The following NFIB variants were observed in gnomAD, a reference collection of about 807,000 sequenced individuals.
The protein encoded by NFIB is nuclear factor I B.
In NFIB, 11 loss-of-function variants were observed where a neutral mutation model predicts 61.5. The ratio of observed to expected loss-of-function variants is 0.18; its 90% confidence interval spans 0.11 to 0.30. The LOEUF is 0.30. Among genes scored for constraint, NFIB ranks in the 10% least tolerant of loss-of-function variants. The pLI is 1.00. For missense variants in NFIB, 471 were observed against 608.9 expected (o/e 0.77, Z 2.38); for synonymous variants, 260 against 216.5 (o/e 1.20, Z -1.76).
chr9:14,507,184 T>A, the NFIB span, among the ~76,000 whole-genome samples: 2 of 152,214 alleles, frequency 1.3e-5, no homozygotes, highest in Non-Finnish European at 2.9e-5. Context: ...ATTTTAAGGT[T>A]AAACAAAATC....
intron 2 of NFIB, among the ~76,000 whole-genome samples, chr9:14,203,169 T>G (rs2049248458): frequency 6.6e-6 from 1 of 152,046 alleles, no homozygotes; most frequent in Admixed American, 6.6e-5. Flanking sequence ...CCCCACATTT[T>G]TTTTTTCCTA....
At chr9:14,254,343 C>T (rs1465724705) in intron 2 of NFIB, among the ~76,000 whole-genome samples, 1 of 152,028 alleles carries the variant, frequency 6.6e-6, no homozygotes, top group Non-Finnish European at 1.5e-5. Context: ...AGCATTTCTC[C>T]ATAAGATGCT....
chr9:14,142,241 T>A (rs1465824012), intron 6 of NFIB, among the ~76,000 whole-genome samples: 1 of 152,186 alleles, frequency 6.6e-6, no homozygotes, highest in Non-Finnish European at 1.5e-5. Context: ...TGGGGGCAGA[T>A]CTTTCCTGTG....
intron 1 of NFIB, among the ~76,000 whole-genome samples, chr9:14,376,828 AT>A (rs112431442): frequency 0.079 from 11,986 of 151,762 alleles, 704 homozygotes; most frequent in East Asian, 0.22. Context: ...TAAAAGTGCC[AT>A]TTTTTTTAAA....
At chr9:14,452,447 GAAAGGAAAGGA>G in the NFIB span, among the ~76,000 whole-genome samples, 4 of 125,998 alleles carry the variant, frequency 3.2e-5, no homozygotes, top group Non-Finnish European at 3.6e-5. Context: ...GGAAGGAAAG[GAAAGGAAAGGA>G]AAGGAAAGGA....
intron 1 of NFIB, among the ~76,000 whole-genome samples, chr9:14,344,898 G>A (rs1051854087): frequency 1.3e-5 from 2 of 152,176 alleles, no homozygotes; most frequent in East Asian, 3.9e-4. Context: ...CAATCTTGAG[G>A]GTTTAAATAA....
intron 2 of NFIB, among the ~76,000 whole-genome samples, chr9:14,211,941 G>C (rs1462650957): frequency 6.6e-6 from 1 of 152,188 alleles, no homozygotes; most frequent in Non-Finnish European, 1.5e-5. Context: ...CCACTGACCA[G>C]AATACCCACA....
At chr9:14,240,265 CTT>C (rs1321274060) in intron 2 of NFIB, among the ~76,000 whole-genome samples, 2 of 151,796 alleles carry the variant, frequency 1.3e-5, no homozygotes, top group Non-Finnish European at 3.0e-5. Context: ...CTCCCTCTCT[CTT>C]TCTCTCCCTC....
chr9:14,387,324 A>G (rs934067243), intron 1 of NFIB, among the ~76,000 whole-genome samples: 1 of 152,230 alleles, frequency 6.6e-6, no homozygotes, highest in Non-Finnish European at 1.5e-5. Flanking sequence ...TTTGGTACTA[A>G]AATATTATTA....
chr9:14,401,438 C>A (rs988409031), upstream of NFIB, among the ~76,000 whole-genome samples: 3 of 152,142 alleles, frequency 2.0e-5, no homozygotes, highest in African/African-American at 7.2e-5. Context: ...TTGGGAAATA[C>A]CAGTTCACCA....
intron 10 of NFIB, among the ~76,000 whole-genome samples, chr9:14,109,312 C>T (rs1474605407): frequency 6.6e-6 from 1 of 151,886 alleles, no homozygotes; most frequent in Non-Finnish European, 1.5e-5. Context: ...CATTGCCTAT[C>T]ATAACGAATT....
At chr9:14,436,626 A>G in the NFIB span, among the ~76,000 whole-genome samples, 913 of 152,332 alleles carry the variant, frequency 6.0e-3, 16 homozygotes, top group Admixed American at 0.032. Flanking sequence ...GACTCACTAC[A>G]AAAGGAAAAA....
the NFIB span, among the ~76,000 whole-genome samples, chr9:14,411,916 C>T: frequency 2.6e-5 from 4 of 152,146 alleles, no homozygotes; most frequent in East Asian, 3.9e-4. Flanking sequence ...TAGGGCAGGG[C>T]GTGTTGTGAG....
the NFIB span, among the ~76,000 whole-genome samples, chr9:14,491,002 T>C: frequency 6.6e-6 from 1 of 152,210 alleles, no homozygotes; most frequent in African/African-American, 2.4e-5. Flanking sequence ...GAATAAATAA[T>C]TGTGTTACAT....
intron 10 of NFIB, among the ~76,000 whole-genome samples, chr9:14,097,319 T>G (rs1205602364): frequency 6.6e-6 from 1 of 152,144 alleles, no homozygotes; most frequent in Non-Finnish European, 1.5e-5. Context: ...CCCAGAGTGG[T>G]GCTAGGGGCC....
At chr9:14,452,912 A>T in the NFIB span, among the ~76,000 whole-genome samples, 1 of 152,226 alleles carries the variant, frequency 6.6e-6, no homozygotes, top group Non-Finnish European at 1.5e-5. Context: ...AGCAGGAACA[A>T]TCACAGCATT....
intron 2 of NFIB, among the ~76,000 whole-genome samples, chr9:14,267,296 G>A (rs59006467): frequency 1.7e-4 from 26 of 152,170 alleles, no homozygotes; most frequent in African/African-American, 6.0e-4. Context: ...CCAACCTAAG[G>A]TTAAATCATG....
At chr9:14,331,723 ACT>A (rs1423666539) in intron 1 of NFIB, among the ~76,000 whole-genome samples, 2 of 152,166 alleles carry the variant, frequency 1.3e-5, no homozygotes, top group Admixed American at 1.3e-4. Context: ...AGGCTATGTG[ACT>A]CTGGACAAGG....
intron 2 of NFIB, among the ~76,000 whole-genome samples, chr9:14,205,900 T>C (rs1043722403): frequency 1.3e-5 from 2 of 151,550 alleles, no homozygotes; most frequent in East Asian, 1.9e-4. Flanking sequence ...ATATTTTGAA[T>C]AATGTCTATT....
Sources: allele counts gnomAD v4.1 joint callset (sites outside exome capture counted in the v4.1 genomes callset), GRCh38; gene constraint gnomAD v4.1.1; transcripts MANE v1.5; gene names NCBI Gene and HGNC (gene_info 2026-07-23, HGNC 2026-07-21).